Variants in GNG4 observed in about 807,000 individuals in gnomAD.
GNG4 encodes guanine nucleotide-binding protein G(I)/G(S)/G(O) subunit gamma-4.
In GNG4, 4 loss-of-function variants were observed where a neutral mutation model predicts 5.8. The observed-to-expected ratio is 0.69, with a 90% CI of 0.34 to 1.57. GNG4 has a LOEUF of 1.57. Among genes scored for constraint, GNG4 ranks in the 40% most tolerant of loss-of-function variants. GNG4 has a pLI of 0.06. For synonymous variants in GNG4, 29 were observed against 32.9 expected, an observed-to-expected ratio of 0.88 and a Z score of 0.41; for missense variants, 96 against 95.1, an observed-to-expected ratio of 1.01 and a Z score of -0.04.
intron 2 of GNG4, among the ~76,000 whole-genome samples, chr1:235,589,152 C>T (rs1392323809): frequency 6.6e-6 from 1 of 152,242 alleles, no homozygotes; most frequent in Non-Finnish European, 1.5e-5. Context: ...ATAGCCATAA[C>T]ATCGGAAGGC....
chr1:235,580,600 G>A (rs959543550), intron 3 of GNG4, among the ~76,000 whole-genome samples: 1 of 152,116 alleles, frequency 6.6e-6, no homozygotes, highest in Non-Finnish European at 1.5e-5. Context: ...CTCTGTTTCT[G>A]AACCAAATCT....
intron 1 of GNG4, among the ~76,000 whole-genome samples, chr1:235,633,165 AGTT>A (rs1205575649): frequency 4.0e-4 from 61 of 152,294 alleles, no homozygotes; most frequent in Non-Finnish European, 8.8e-5. Flanking sequence ...AGTCTGACGC[AGTT>A]GTTGTTGTTT....
At chr1:235,634,957 A>AC (rs34278294) in intron 1 of GNG4, among the ~76,000 whole-genome samples, 23,322 of 151,836 alleles carry the variant, frequency 0.15, 2,221 homozygotes, top group South Asian at 0.3. Flanking sequence ...ACAAAACAAA[A>AC]AAAAGAAATA....
chr1:235,552,253 G>A lies in GNG4; in HGVS notation c.100-16C>T, dbSNP rs762527285. 2 of 1,612,900 alleles carry A rather than the reference G, an allele frequency of 1.2e-6. No individual in the cohort carries two copies. Among genetic ancestry groups the A allele is most frequent in the South Asian group, 2.2e-5 (2 of 91,068 alleles). Reference sequence around the variant, plus strand: ...CCTGGGAGACCTGTGAGGGCACAGAGCACAGGTGCTCAGTTAAAGGCCCCT... The same window carrying A: ...CCTGGGAGACCTGTGAGGGCACAGAACACAGGTGCTCAGTTAAAGGCCCCT... On this transcript the variant is annotated splice_polypyrimidine_tract_variant and intron_variant, in intron 3 of 3. Transcript: ENST00000391854.
intron 1 of GNG4, among the ~76,000 whole-genome samples, chr1:235,608,657 TTTTC>T (rs1179466725): frequency 2.2e-4 from 33 of 151,782 alleles, no homozygotes; most frequent in African/African-American, 7.8e-4. Flanking sequence ...TCTTCCTTTG[TTTTC>T]TTTTTTACTT....
intron 2 of GNG4, among the ~76,000 whole-genome samples, chr1:235,593,670 C>G (rs1688044552): frequency 6.6e-6 from 1 of 152,074 alleles, no homozygotes; most frequent in South Asian, 2.1e-4. Context: ...TTTCTTACTT[C>G]TGGTGGGTTC....
intron 3 of GNG4, among the ~76,000 whole-genome samples, chr1:235,570,692 C>T (rs1249313337): frequency 6.6e-6 from 1 of 150,916 alleles, no homozygotes; most frequent in Non-Finnish European, 1.5e-5. Context: ...GAGCACCGCA[C>T]CCAGTCTAAA....
At chr1:235,614,562 T>G (rs1688547972) in intron 1 of GNG4, 1 of 152,184 alleles carries the variant, frequency 6.6e-6, no homozygotes, top group South Asian at 2.1e-4. Context: ...GGCAGATGGG[T>G]GCCTGTGCAG....
At chr1:235,605,962 G>GGGGA (rs77540275) in intron 1 of GNG4, among the ~76,000 whole-genome samples, 151 of 147,172 alleles carry the variant, frequency 1.0e-3, no homozygotes, top group Admixed American at 3.6e-3. Flanking sequence ...GTGTGGGGGG[G>GGGGA]TGGGTCTCAC....
intron 3 of GNG4, among the ~76,000 whole-genome samples, chr1:235,578,937 T>C (rs1437493420): frequency 6.6e-6 from 1 of 151,778 alleles, no homozygotes; most frequent in African/African-American, 2.4e-5. Flanking sequence ...TCTCTACTAA[T>C]AATACAAAAA....
rs116442052 is a variant in GNG4 at position 235,644,960 on chromosome 1, C to T, written c.-123+4702G>A. Among the ~76,000 whole-genome samples, 1,429 of 152,298 alleles carry T rather than the reference C, an allele frequency of 9.4e-3. 26 individuals are homozygous for T. The highest frequency in any genetic ancestry group is 0.033 in the African/African-American group (1,361 of 41,556). On this transcript the variant is annotated intron_variant, in intron 1 of 3. Transcript: ENST00000391854. This position sits in a 1 kb window ranked among gnomAD's most constrained non-coding sequence, Gnocchi z 5.9. ...AGGGGAGATGCAGCAGCAGACACTC[C>T]GTCCACATGGGCCCCGGGCCGCCAG...
chr1:235,610,010 A>G (rs1688446481), intron 1 of GNG4, among the ~76,000 whole-genome samples: 1 of 152,252 alleles, frequency 6.6e-6, no homozygotes. Context: ...GGAAACTATT[A>G]TTGATACGTT....
At chr1:235,561,222 C>G (rs187088511) in intron 3 of GNG4, among the ~76,000 whole-genome samples, 1,564 of 152,082 alleles carry the variant, frequency 0.01, 102 homozygotes, top group Admixed American at 0.092. Context: ...TGTTAGCCAG[C>G]ATGGTCTCGA....
At chr1:235,557,343 G>A (rs925616139) in intron 3 of GNG4, among the ~76,000 whole-genome samples, 4 of 152,128 alleles carry the variant, frequency 2.6e-5, no homozygotes, top group African/African-American at 9.7e-5. Context: ...TCAACTACCT[G>A]GGAGCTCACA....
At chr1:235,554,869 A>C (rs1015819522) in intron 3 of GNG4, among the ~76,000 whole-genome samples, 1 of 148,396 alleles carries the variant, frequency 6.7e-6, no homozygotes, top group Non-Finnish European at 1.5e-5. Context: ...AAAAAAAAGA[A>C]CGTCTCGTCT....
intron 3 of GNG4, among the ~76,000 whole-genome samples, chr1:235,562,686 G>GAAAAAAA (rs1687099445): frequency 7.9e-6 from 1 of 125,996 alleles, no homozygotes; most frequent in Non-Finnish European, 1.8e-5. Flanking sequence ...AAAAAAAAAA[G>GAAAAAAA]AAGAAAATTT....
At chr1:235,588,567 C>T (rs1687883449) in intron 2 of GNG4, among the ~76,000 whole-genome samples, 1 of 152,138 alleles carries the variant, frequency 6.6e-6, no homozygotes, top group African/African-American at 2.4e-5. Flanking sequence ...TCCACACTCA[C>T]GAAGGGGCTG....
chr1:235,580,193 T>C (rs909583684), intron 3 of GNG4, among the ~76,000 whole-genome samples: 3 of 152,204 alleles, frequency 2.0e-5, no homozygotes, highest in Admixed American at 6.5e-5. Context: ...ATCCCACTTA[T>C]ATGAGATACC....
At chr1:235,624,991 G>A (rs779212074) in intron 1 of GNG4, among the ~76,000 whole-genome samples, 1 of 152,198 alleles carries the variant, frequency 6.6e-6, no homozygotes, top group Non-Finnish European at 1.5e-5. Context: ...ACCACAGCCT[G>A]CTGAGGACCC....
Sources: gnomAD v4.1 joint callset for allele counts (sites outside exome capture counted in the v4.1 genomes callset) on GRCh38, gnomAD v4.1.1 for gene constraint, Gnocchi (gnomAD v3.1) non-coding constraint, MANE v1.5 for transcripts, NCBI Gene and HGNC (gene_info 2026-07-23, HGNC 2026-07-21) for gene names.